Variants in ITSN1 observed in about 807,000 individuals in gnomAD.
ITSN1 encodes the protein intersectin 1.
In ITSN1, 58 loss-of-function variants were observed where a neutral mutation model predicts 239.8. The observed-to-expected ratio is 0.24, with a 90% confidence interval of 0.20 to 0.30. The LOEUF is 0.30. ITSN1 is among the 10% of genes least tolerant of loss of function. The pLI is 1.00. For missense variants in ITSN1, 1,558 were observed against 2,103.3 expected (o/e 0.74, Z 5.07); for synonymous variants, 780 against 770.8 (o/e 1.01, Z -0.20).
At chr21:33,722,183 C>T (rs1179109956) in intron 3 of ITSN1, among the ~76,000 whole-genome samples, 1 of 152,164 alleles carries the variant, frequency 6.6e-6, no homozygotes, top group African/African-American at 2.4e-5. Context: ...TCTGTAAATA[C>T]TTCAGAAGTA....
chr21:33,876,114 T>TTTCC (rs1983741719), intron 34 of ITSN1, among the ~76,000 whole-genome samples: 3 of 22,796 alleles, frequency 1.3e-4, no homozygotes, highest in Admixed American at 4.7e-4. Flanking sequence ...TCTTTCTTTC[T>TTTCC]TTCTTTCTTT....
At chr21:33,829,915 A>G (rs374429085) in intron 27 of ITSN1, among the ~76,000 whole-genome samples, 170 bp downstream of exon 27, 16 of 152,360 alleles carry the variant, frequency 1.1e-4, no homozygotes, top group African/African-American at 3.8e-4. Context: ...CCTAAGTTTC[A>G]GACAGCCGGT....
chr21:33,778,736 G>A (rs974526603), intron 14 of ITSN1, among the ~76,000 whole-genome samples: 2 of 145,778 alleles, frequency 1.4e-5, no homozygotes, highest in South Asian at 2.1e-4. Context: ...CCGCCACTAC[G>A]CCCGGCTAAT....
intron 1 of ITSN1, among the ~76,000 whole-genome samples, chr21:33,710,272 G>A (rs1371794765): frequency 1.3e-5 from 2 of 151,798 alleles, no homozygotes; most frequent in South Asian, 4.2e-4. Flanking sequence ...GAGAGACGGG[G>A]TTTCACCGTG....
rs1986200041 is a variant in ITSN1 at position 33,889,394 on chromosome 21, C to T, written c.*1094C>T. ...GTGAAAGACCCTAGGAGGATGCAAG[C>T]CCCGCACATCCCGGGGCAAAGACCT... is the stretch of plus-strand genomic sequence containing the variant. On this transcript the variant is annotated 3_prime_UTR_variant, in exon 40 of 40. Transcript: ENST00000381318. 1 of 152,160 alleles carries T rather than the reference C, an allele frequency of 6.6e-6. No individual in the cohort carries two copies. Among genetic ancestry groups the T allele is most frequent in the Non-Finnish European group, 1.5e-5 (1 of 68,028 alleles). The allele number at this position is 152,160 out of a possible 1,614,324, so 9.4% of individuals were successfully genotyped here.
intron 14 of ITSN1, among the ~76,000 whole-genome samples, chr21:33,780,431 A>C (rs1278710370): frequency 6.6e-6 from 1 of 152,198 alleles, no homozygotes; most frequent in Non-Finnish European, 1.5e-5. Context: ...GATAAGTCAG[A>C]TCTGATTTGT....
intron 1 of ITSN1, among the ~76,000 whole-genome samples, chr21:33,696,959 T>A (rs1438970273): frequency 1.3e-5 from 2 of 152,198 alleles, no homozygotes; most frequent in African/African-American, 4.8e-5. Context: ...TAAGACTAAG[T>A]GTGATTTCAG....
chr21:33,722,545 TTTTTTTTTTTTTTTC>T, intron 3 of ITSN1, 28 bp from the exon 4 acceptor site: 1 of 368,098 alleles, frequency 2.7e-6, no homozygotes, highest in East Asian at 1.2e-4. Flanking sequence ...TCAGCTGTTG[TTTTTTTTTTTTTTTC>T]CTGAAACTTT....
chr21:33,701,584 G>C (rs1034816224), intron 1 of ITSN1, among the ~76,000 whole-genome samples: 2 of 151,908 alleles, frequency 1.3e-5, no homozygotes, highest in African/African-American at 4.8e-5. Flanking sequence ...CTTGAAGCCA[G>C]GAGTTTGAGA....
chr21:33,864,059 G>A (rs1473782736), intron 31 of ITSN1, among the ~76,000 whole-genome samples: 2 of 152,230 alleles, frequency 1.3e-5, no homozygotes, highest in South Asian at 4.1e-4. Context: ...CAAAAATGTG[G>A]GAGAAAGAAA....
chr21:33,644,238 G>T (rs1447435000), intron 1 of ITSN1, among the ~76,000 whole-genome samples: 1 of 152,084 alleles, frequency 6.6e-6, no homozygotes, highest in African/African-American at 2.4e-5. Flanking sequence ...TTCCTTGTAA[G>T]TAAAAACATT....
At chr21:33,789,570 C>G (rs1044774707) in intron 16 of ITSN1, among the ~76,000 whole-genome samples, 1 of 152,208 alleles carries the variant, frequency 6.6e-6, no homozygotes, top group African/African-American at 2.4e-5. Flanking sequence ...GGTCTCCTTT[C>G]ATAGACCCCT....
At chr21:33,836,920 A>G in intron 29 of ITSN1, 3 of 1,394,310 alleles carry the variant, frequency 2.2e-6, no homozygotes, top group Non-Finnish European at 2.0e-6. Context: ...TGCCTGACTC[A>G]TTTTCCTAGC....
chr21:33,798,042 G>A (rs939189008), intron 18 of ITSN1, among the ~76,000 whole-genome samples: 1 of 152,132 alleles, frequency 6.6e-6, no homozygotes, highest in Non-Finnish European at 1.5e-5. Context: ...TTTACTTTTT[G>A]AAAAATGTAA....
At chr21:33,735,467 G>T in intron 5 of ITSN1, 1 of 409,042 alleles carries the variant, frequency 2.4e-6, no homozygotes, top group Non-Finnish European at 4.4e-6. Flanking sequence ...ACAGTCCGCT[G>T]CTGCAGCTTC....
At chr21:33,713,828 C>CTT (rs35226795) in intron 1 of ITSN1, among the ~76,000 whole-genome samples, 4,201 of 89,342 alleles carry the variant, frequency 0.047, 431 homozygotes, top group Middle Eastern at 0.11. Context: ...CCAGCCTCAT[C>CTT]TTTTTTTTTT....
At position 33,750,268 on chromosome 21, in the gene ITSN1, C is replaced by G. The variant is rs2067461709; in HGVS notation, c.472C>G (p.Leu158Val). 1.2e-6 allele frequency: 2 copies of G among 1,613,948 alleles called. No homozygotes were observed. The highest frequency in any genetic ancestry group is 1.7e-6 in the Non-Finnish European group (2 of 1,180,026). Reference protein sequence around the residue: ...SSVPTAAVPPLANGAPPVIQP... With the variant: ...SSVPTAAVPPVANGAPPVIQP... ...TGTTCCCACAGCAGCTGTGCCCCCC[C>G]TGGCTAACGGGGCTCCCCCTGTTAT... Residue 158 changes from leucine to valine, a missense_variant, in exon 6 of 40, where the codon CTG (leucine) becomes GTG (valine). Coordinates refer to ENST00000381318, the MANE Select transcript of ITSN1 (RefSeq NM_003024.3).
At chr21:33,793,257 A>G (rs80101413) in intron 16 of ITSN1, among the ~76,000 whole-genome samples, 2,345 of 152,252 alleles carry the variant, frequency 0.015, 19 homozygotes, top group Non-Finnish European at 0.021. Context: ...GAAGAAACCT[A>G]CCTGCCCATC....
chr21:33,742,978 C>T (rs192236241), intron 5 of ITSN1, among the ~76,000 whole-genome samples: 2 of 151,978 alleles, frequency 1.3e-5, no homozygotes, highest in Non-Finnish European at 2.9e-5. Context: ...TCAAAACAAG[C>T]TCAAAGAGAA....
Sources: gnomAD v4.1 joint callset for allele counts (sites outside exome capture counted in the v4.1 genomes callset) on GRCh38, gnomAD v4.1.1 for gene constraint, MANE v1.5 for transcripts, NCBI Gene and HGNC (gene_info 2026-07-23, HGNC 2026-07-21) for gene names.